Variants in OR2L13 observed in about 807,000 individuals in gnomAD.
OR2L13 encodes olfactory receptor 2L13.
A neutral mutation model predicts 15.3 loss-of-function variants in OR2L13; 14 were observed. The ratio of observed to expected loss-of-function variants is 0.91; its 90% confidence interval spans 0.60 to 1.43. OR2L13 has a LOEUF of 1.43. OR2L13 is among the 40% of genes most tolerant of loss of function. The pLI is 0.00. For missense variants in OR2L13, 367 were observed against 387.9 expected (o/e 0.95, Z 0.45); for synonymous variants, 152 against 142.9 (o/e 1.06, Z -0.45).
the OR2L13 span, among the ~76,000 whole-genome samples, chr1:248,049,670 CCTA>C: frequency 6.6e-6 from 1 of 152,058 alleles, no homozygotes; most frequent in Non-Finnish European, 1.5e-5. Context: ...ATTAAAAAAT[CCTA>C]CTTGTTTTAC....
At chr1:248,022,691 T>C in the OR2L13 span, 10 of 1,613,990 alleles carry the variant, frequency 6.2e-6, no homozygotes, top group Admixed American at 5.0e-5. Flanking sequence ...CTGTAGTAAC[T>C]TTCTACTATG....
At chr1:248,077,054 A>G in the OR2L13 span, among the ~76,000 whole-genome samples, 599 of 151,826 alleles carry the variant, frequency 3.9e-3, 6 homozygotes, top group African/African-American at 0.014. Flanking sequence ...AGCATGAAGC[A>G]CTGTTGAATT....
chr1:248,025,421 AT>A, the OR2L13 span, among the ~76,000 whole-genome samples: 1 of 149,144 alleles, frequency 6.7e-6, no homozygotes, highest in Non-Finnish European at 1.5e-5. Flanking sequence ...ACCAGTTAGA[AT>A]GGCAATCATT....
At chr1:248,088,828 C>T in the OR2L13 span, among the ~76,000 whole-genome samples, 2 of 152,088 alleles carry the variant, frequency 1.3e-5, no homozygotes, top group African/African-American at 4.8e-5. Context: ...AACTTCTGTC[C>T]ATGCCATATT....
chr1:248,054,805 T>C, the OR2L13 span, among the ~76,000 whole-genome samples: 10 of 152,332 alleles, frequency 6.6e-5, no homozygotes, highest in South Asian at 6.2e-4. Flanking sequence ...TCCTGAGAGT[T>C]TGATGAATTT....
At chr1:248,057,650 T>C in the OR2L13 span, among the ~76,000 whole-genome samples, 10 of 152,196 alleles carry the variant, frequency 6.6e-5, no homozygotes, top group Non-Finnish European at 1.2e-4. Flanking sequence ...TTCCATTTAT[T>C]CGTGTCTTCT....
At chr1:247,948,360 G>A in the OR2L13 span, among the ~76,000 whole-genome samples, 121,038 of 152,178 alleles carry the variant, frequency 0.8, 52,512 homozygotes, top group South Asian at 0.95. Flanking sequence ...GACTTTGAAT[G>A]TATCTGAGTT....
chr1:248,025,703 T>A, the OR2L13 span, among the ~76,000 whole-genome samples: 1 of 149,752 alleles, frequency 6.7e-6, no homozygotes, highest in Non-Finnish European at 1.5e-5. Context: ...CCAACCCAAA[T>A]GTCCAACAAT....
chr1:247,950,041 A>ATG, the OR2L13 span, among the ~76,000 whole-genome samples: 119,830 of 137,844 alleles, frequency 0.87, 51,799 homozygotes, highest in South Asian at 0.95. Flanking sequence ...GTCAATAAGA[A>ATG]TTTTTTTTTT....
At chr1:248,019,962 A>AT in the OR2L13 span, among the ~76,000 whole-genome samples, 1 of 151,934 alleles carries the variant, frequency 6.6e-6, no homozygotes, top group Admixed American at 6.6e-5. Context: ...TAATTTTTGT[A>AT]TTTTTTGTAG....
At chr1:247,960,281 G>A in the OR2L13 span, among the ~76,000 whole-genome samples, 2 of 152,188 alleles carry the variant, frequency 1.3e-5, no homozygotes, top group African/African-American at 4.8e-5. Context: ...AAGTGTTGCC[G>A]CCTGATCGTT....
chr1:247,995,331 T>C, the OR2L13 span, among the ~76,000 whole-genome samples: 104 of 152,356 alleles, frequency 6.8e-4, no homozygotes, highest in African/African-American at 2.3e-3. Flanking sequence ...ATCTCTGTTC[T>C]CTATGGCTCC....
the OR2L13 span, chr1:248,051,361 A>G: frequency 1.3e-5 from 2 of 152,168 alleles, no homozygotes; most frequent in South Asian, 2.1e-4. Context: ...TAAAAATTGT[A>G]TATACATACT....
At chr1:248,064,127 G>A in the OR2L13 span, among the ~76,000 whole-genome samples, 1 of 152,192 alleles carries the variant, frequency 6.6e-6, no homozygotes, top group East Asian at 1.9e-4. Context: ...GGGATTGTGA[G>A]ATGGTCTGGG....
At chr1:248,094,403 A>T (rs543407099), upstream of OR2L13, among the ~76,000 whole-genome samples, 1 of 152,314 alleles carries the variant, frequency 6.6e-6, no homozygotes, top group African/African-American at 2.4e-5. Context: ...GCTACAGTTG[A>T]TTGAGCCCTT....
the OR2L13 span, among the ~76,000 whole-genome samples, chr1:248,078,300 A>G: frequency 1.3e-5 from 2 of 151,974 alleles, no homozygotes; most frequent in African/African-American, 4.8e-5. Context: ...CGGCAATATG[A>G]TGAAACCCCG....
the OR2L13 span, chr1:248,029,058 T>A: frequency 6.6e-6 from 1 of 152,190 alleles, no homozygotes; most frequent in South Asian, 2.1e-4. Flanking sequence ...TTGCCAGGAA[T>A]GTACACTAAC....
the OR2L13 span, among the ~76,000 whole-genome samples, chr1:247,958,394 G>T: frequency 6.6e-6 from 1 of 152,124 alleles, no homozygotes; most frequent in Non-Finnish European, 1.5e-5. Flanking sequence ...GGTGTGTTGT[G>T]GTGCTGAAAA....
the OR2L13 span, among the ~76,000 whole-genome samples, chr1:248,065,885 C>T: frequency 6.6e-6 from 1 of 152,012 alleles, no homozygotes; most frequent in African/African-American, 2.4e-5. Context: ...GTTATCTCAC[C>T]TGTCTTTTCA....
Sources: allele counts gnomAD v4.1 joint callset (sites outside exome capture counted in the v4.1 genomes callset), GRCh38; gene constraint gnomAD v4.1.1; transcripts MANE v1.5; gene names NCBI Gene and HGNC (gene_info 2026-07-23, HGNC 2026-07-21).